Variants in EPB41L3 observed in about 807,000 individuals in gnomAD.
EPB41L3 encodes the protein band 4.1-like protein 3.
Under a neutral mutation model 127.1 loss-of-function variants are expected in EPB41L3, and 57 were observed. The observed-to-expected ratio is 0.45, with a 90% CI of 0.36 to 0.56. The LOEUF (loss-of-function observed/expected upper bound fraction) is 0.56. Among genes scored for constraint, EPB41L3 ranks in the 20% least tolerant of loss-of-function variants. The pLI, the probability that EPB41L3 is intolerant of heterozygous loss-of-function variation, is 0.00. For synonymous variants in EPB41L3, 572 were observed against 549.5 expected (o/e 1.04, Z -0.57); for missense variants, 1,273 against 1,372.2 (o/e 0.93, Z 1.14).
At chr18:5,427,266 G>A (rs2078317312) in intron 9 of EPB41L3, among the ~76,000 whole-genome samples, 1 of 152,094 alleles carries the variant, frequency 6.6e-6, no homozygotes. Flanking sequence ...ATCAGAAAAT[G>A]TTCAGAGATA....
chr18:5,570,069 C>T (rs2094257096), intron 3 of EPB41L3: 1 of 151,766 alleles, frequency 6.6e-6, no homozygotes, highest in Non-Finnish European at 1.5e-5. Context: ...AGCAGCACTG[C>T]CTACCTTATT....
chr18:5,536,769 T>TGC (rs771710017), intron 1 of EPB41L3, among the ~76,000 whole-genome samples: 1 of 152,104 alleles, frequency 6.6e-6, no homozygotes, highest in Non-Finnish European at 1.5e-5. Flanking sequence ...AGGCAGAGGT[T>TGC]GCTGTGAGCT....
chr18:5,607,193 G>A (rs150566591), intron 3 of EPB41L3, among the ~76,000 whole-genome samples: 6 of 152,190 alleles, frequency 3.9e-5, no homozygotes, highest in African/African-American at 9.6e-5. Flanking sequence ...AAGCAAGAGC[G>A]AGGCATGGTC....
At chr18:5,517,117 A>G (rs1212619084) in intron 1 of EPB41L3, among the ~76,000 whole-genome samples, 1 of 152,132 alleles carries the variant, frequency 6.6e-6, no homozygotes, top group Non-Finnish European at 1.5e-5. Flanking sequence ...TGCGTCTATC[A>G]CTGAACGTTT....
chr18:5,581,987 A>G (rs1007476386), intron 3 of EPB41L3, among the ~76,000 whole-genome samples: 35 of 152,146 alleles, frequency 2.3e-4, no homozygotes, highest in African/African-American at 8.4e-4. Flanking sequence ...TCAGAGGGAG[A>G]CCCTGTCTTA....
At chr18:5,499,829 G>GTGTGTGTGTATA (rs563662904) in intron 1 of EPB41L3, among the ~76,000 whole-genome samples, 3 of 124,618 alleles carry the variant, frequency 2.4e-5, no homozygotes, top group African/African-American at 9.3e-5. Flanking sequence ...CTATGTGTGT[G>GTGTGTGTGTATA]TATATATATA....
chr18:5,421,995 A>G (rs921277350), intron 11 of EPB41L3, among the ~76,000 whole-genome samples: 3 of 152,222 alleles, frequency 2.0e-5, no homozygotes, highest in South Asian at 2.1e-4. Context: ...AAAATGTGAA[A>G]AAAGAGTAAT....
chr18:5,433,924 A>T lies in EPB41L3; in HGVS notation c.803T>A (p.Ile268Asn). The T allele has an allele frequency of 6.2e-7, 1 of 1,614,206 alleles. No homozygotes were observed. The highest frequency in any genetic ancestry group is 1.1e-5 in the South Asian group (1 of 91,084). ...NHTKELEDKV[I>N]ELHKSHRGMT... is the part of the protein sequence containing the mutation. ...TAACCTGTGGCTCTTGTGCAGCTCG[A>T]TCACTTTGTCTTCCAGTTCTTTAGT... is the stretch of plus-strand genomic sequence containing the variant. Residue 268 changes from isoleucine to asparagine, a missense_variant, in exon 7 of 23, where the codon ATC (isoleucine) becomes AAC (asparagine). Transcript: ENST00000341928.
intron 1 of EPB41L3, among the ~76,000 whole-genome samples, chr18:5,625,069 C>G (rs569600550): frequency 6.6e-6 from 1 of 151,938 alleles, no homozygotes; most frequent in Non-Finnish European, 1.5e-5. Context: ...GTTGGGGCCT[C>G]GGGAGATCTG....
intron 1 of EPB41L3, among the ~76,000 whole-genome samples, chr18:5,504,746 C>T (rs544573922): frequency 1.3e-5 from 2 of 152,298 alleles, no homozygotes; most frequent in South Asian, 2.1e-4. Context: ...TCCCCCATCA[C>T]TGACTTCTCC....
intron 1 of EPB41L3, among the ~76,000 whole-genome samples, chr18:5,510,563 G>A (rs896991701): frequency 6.6e-6 from 1 of 152,150 alleles, no homozygotes; most frequent in African/African-American, 2.4e-5. Flanking sequence ...AGGTCAGTGG[G>A]GTATGTATGG....
intron 1 of EPB41L3, among the ~76,000 whole-genome samples, chr18:5,615,514 C>G (rs1188138021): frequency 1.3e-5 from 2 of 152,092 alleles, no homozygotes; most frequent in Non-Finnish European, 1.5e-5. Context: ...TTTGAGAACA[C>G]TAGAAGGTGA....
intron 3 of EPB41L3, among the ~76,000 whole-genome samples, chr18:5,562,242 A>G (rs982395338): frequency 6.6e-6 from 1 of 152,240 alleles, no homozygotes; most frequent in Non-Finnish European, 1.5e-5. Flanking sequence ...TGGTATATAT[A>G]GGAACTCTGT....
intron 16 of EPB41L3, chr18:5,398,697 A>G: frequency 2.5e-6 from 1 of 399,458 alleles, no homozygotes; most frequent in Non-Finnish European, 4.4e-6. Context: ...GGCAGTAGCA[A>G]CGGTAAAGGC....
At chr18:5,567,649 A>AAGGAAGGAAGGAAGG (rs1568585608) in intron 3 of EPB41L3, among the ~76,000 whole-genome samples, 1 of 151,962 alleles carries the variant, frequency 6.6e-6, no homozygotes, top group African/African-American at 2.4e-5. Flanking sequence ...AGGAAGGAAG[A>AAGGAAGGAAGGAAGG]AAGGAAGGAA....
Position 5,524,169 on chromosome 18 carries a change from A to AT in EPB41L3, c.-12+19743dup, listed in dbSNP as rs1224167902. ...CAGAGTAACTGGCCGGACTCTTTTC[A>AT]TTTTTTTTTTTGTTGTTGTTGTTTT... On this transcript the variant is annotated intron_variant, in intron 1 of 22. Coordinates refer to ENST00000341928, the MANE Select transcript of EPB41L3 (RefSeq NM_012307.5). Among the ~76,000 whole-genome samples, 1,430 of 144,850 alleles carry AT rather than the reference A, an allele frequency of 9.9e-3. 12 individuals are homozygous for AT. The highest frequency in any genetic ancestry group is 0.027 in the African/African-American group (1,064 of 39,562).
intron 1 of EPB41L3, among the ~76,000 whole-genome samples, chr18:5,527,771 C>T (rs535154194): frequency 2.9e-4 from 44 of 152,240 alleles, no homozygotes; most frequent in African/African-American, 4.6e-4. Context: ...TGTTCCAGGC[C>T]GAGGGCTCGG....
rs532452295 is a variant in EPB41L3, at chr18:5,583,740, T to A, written c.-306+28600A>T. Reference sequence around the variant, plus strand: ...GCATCTTAAAATTGAAGAGCTATATTTTTTTTTCAGATGATAAATGCCTTT... The same window carrying A: ...GCATCTTAAAATTGAAGAGCTATATATTTTTTTCAGATGATAAATGCCTTT... On this transcript the variant is annotated intron_variant, in intron 3 of 21. Coordinates refer to the EPB41L3 transcript ENST00000545076. Among the ~76,000 whole-genome samples, 28 of 152,256 alleles carry A rather than the reference T, an allele frequency of 1.8e-4. No homozygotes were observed. In the East Asian group the frequency reaches 2.1e-3, roughly 12 times the overall value.
chr18:5,623,833 G>A (rs1366343424), intron 1 of EPB41L3, among the ~76,000 whole-genome samples: 1 of 151,802 alleles, frequency 6.6e-6, no homozygotes, highest in African/African-American at 2.4e-5. Context: ...TTTTTTAGTA[G>A]AGTCGGGGAG....
Sources: allele counts gnomAD v4.1 joint callset (sites outside exome capture counted in the v4.1 genomes callset), GRCh38; gene constraint gnomAD v4.1.1; transcripts MANE v1.5; gene names NCBI Gene and HGNC (gene_info 2026-07-23, HGNC 2026-07-21).